Variants in MLLT1 observed in about 807,000 individuals in gnomAD.
MLLT1 encodes the protein MLLT1 super elongation complex subunit.
In MLLT1, 11 loss-of-function variants were observed where a neutral mutation model predicts 55.1. That is an observed-to-expected ratio of 0.20 (90% CI 0.13 to 0.33). The LOEUF (loss-of-function observed/expected upper bound fraction) is 0.33. Among genes scored for constraint, MLLT1 ranks in the 10% least tolerant of loss-of-function variants. The pLI is 1.00. For synonymous variants in MLLT1, 323 were observed against 320.1 expected (o/e 1.01, Z -0.10); for missense variants, 536 against 760.6 (o/e 0.70, Z 3.47).
intron 3 of MLLT1, among the ~76,000 whole-genome samples, chr19:6,245,864 C>T (rs1388323719): frequency 2.0e-5 from 3 of 152,066 alleles, no homozygotes; most frequent in African/African-American, 2.4e-5. Flanking sequence ...ACCACTGCAC[C>T]CCATCCAGCC....
chr19:6,246,033 G>A (rs541848227), intron 3 of MLLT1, among the ~76,000 whole-genome samples: 9 of 151,240 alleles, frequency 6.0e-5, no homozygotes, highest in Admixed American at 2.0e-4. Flanking sequence ...GGCTGATATC[G>A]CACCTTTGCA....
chr19:6,248,639 G>A (rs2091188721), intron 3 of MLLT1, among the ~76,000 whole-genome samples: 1 of 152,188 alleles, frequency 6.6e-6, no homozygotes, highest in Admixed American at 6.5e-5. Flanking sequence ...ACATTTCAAA[G>A]ATATCAAGGT....
chr19:6,247,263 ACTTAGCTCCCAGAT>A (rs1370855964), intron 3 of MLLT1, among the ~76,000 whole-genome samples: 1 of 152,194 alleles, frequency 6.6e-6, no homozygotes, highest in African/African-American at 2.4e-5. Flanking sequence ...CAGTGAGCAC[ACTTAGCTCCCAGAT>A]CTTGGCTTTT....
In MLLT1 at chr19:6,262,349, G is replaced by T; in HGVS notation, c.194-39C>A. 1 of 1,563,254 alleles carries T rather than the reference G, an allele frequency of 6.4e-7. No homozygotes were observed. The highest frequency in any genetic ancestry group is 8.8e-7 in the Non-Finnish European group (1 of 1,136,964). On this transcript the variant is annotated intron_variant, in intron 2 of 11. Coordinates refer to ENST00000252674, the MANE Select transcript of MLLT1 (RefSeq NM_005934.4). This position sits in a 1 kb window ranked among gnomAD's most constrained non-coding sequence, Gnocchi z 4.4. The stretch of plus-strand genomic sequence containing the variant: ...GAAGAAACACACCCATCAGCCTCCT[G>T]CCTGTTTCAGGCCCAGCTGCCAGCG...
At chr19:6,213,241 G>A in intron 11 of MLLT1, 71 bp from the exon 12 acceptor site, 6 of 1,607,514 alleles carry the variant, frequency 3.7e-6, no homozygotes, top group South Asian at 1.1e-5. Context: ...CCTAACAGAG[G>A]TAGGGGCTCC....
At chr19:6,216,565 G>A (rs1301960529) in intron 7 of MLLT1, 52 bp from the exon 8 acceptor site, 8 of 1,340,246 alleles carry the variant, frequency 6.0e-6, no homozygotes, top group Non-Finnish European at 8.3e-6. Flanking sequence ...GCTCCACTGA[G>A]CCTCCAGGGC....
rs747855608 is a variant in MLLT1 at position 6,230,729 on chromosome 19, C to T, written c.277-16G>A. The T allele has an allele frequency of 1.2e-6, 2 of 1,613,660 alleles. No individual in the cohort carries two copies. Among genetic ancestry groups the T allele is most frequent in the South Asian group, 1.1e-5 (1 of 91,074 alleles). ...TCGGCTCCTCCTGAAACAGAGAAAA[C>T]AAGAAAGTCTGCATCAGAGGGTGGC... On this transcript the variant is annotated splice_polypyrimidine_tract_variant and intron_variant, in intron 3 of 11. Transcript: ENST00000252674. This position sits in a 1 kb window ranked among gnomAD's most constrained non-coding sequence, Gnocchi z 9.0.
intron 6 of MLLT1, among the ~76,000 whole-genome samples, chr19:6,221,027 GACCGTC>G (rs1475959368): frequency 1.3e-5 from 2 of 152,196 alleles, no homozygotes; most frequent in Non-Finnish European, 2.9e-5. Flanking sequence ...CCAGAGGCTG[GACCGTC>G]ACCCCCAGCC....
Position 6,272,768 on chromosome 19 carries a change from C to T in MLLT1, c.13-2009G>A, listed in dbSNP as rs147299667. Among the ~76,000 whole-genome samples, 87 of 152,298 alleles carry T rather than the reference C, an allele frequency of 5.7e-4. 1 individual carries two copies. In the Middle Eastern group the frequency reaches 0.017, roughly 30 times the overall value. On this transcript the variant is annotated intron_variant, in intron 1 of 11. Coordinates refer to ENST00000252674, the MANE Select transcript of MLLT1 (RefSeq NM_005934.4). The stretch of plus-strand genomic sequence containing the variant: ...GAGTTCTAAATGCTGCTTTTGGAGA[C>T]GGCAGGGCCATGGTGGCAGATAAGG...
At chr19:6,248,345 C>T (rs1451804385) in intron 3 of MLLT1, among the ~76,000 whole-genome samples, 1 of 152,210 alleles carries the variant, frequency 6.6e-6, no homozygotes, top group East Asian at 1.9e-4. Context: ...CCTACGCCCA[C>T]CAGGATGGAG....
rs187869454 is a variant in MLLT1 at position 6,249,549 on chromosome 19, A to C, written c.276+12679T>G. ...AGCCCACAGTCAAGGCCACTTTCCA[A>C]AAGAACAGTTCAGCCGCAGCATGCA... is the stretch of plus-strand genomic sequence containing the variant. On this transcript the variant is annotated intron_variant, in intron 3 of 11. Coordinates refer to ENST00000252674, the MANE Select transcript of MLLT1 (RefSeq NM_005934.4). Among the ~76,000 whole-genome samples, 17 of 152,280 alleles carry C rather than the reference A, an allele frequency of 1.1e-4. No homozygotes were observed. In the East Asian group the frequency reaches 2.7e-3, roughly 24 times the overall value.
chr19:6,233,263 G>A (rs943554271), intron 3 of MLLT1, among the ~76,000 whole-genome samples: 6 of 152,234 alleles, frequency 3.9e-5, no homozygotes, highest in Non-Finnish European at 8.8e-5. Flanking sequence ...AGTTGGCAGC[G>A]GCAGCTCCTG....
intron 7 of MLLT1, chr19:6,216,766 A>C (rs10417252): frequency 0.99 from 497,068 of 501,312 alleles, 246,438 homozygotes; most frequent in East Asian, 1. Flanking sequence ...GCCTCAGGGG[A>C]CTGGCCGGCA....
chr19:6,216,076 C>T (rs1246405218), intron 8 of MLLT1, among the ~76,000 whole-genome samples: 1 of 152,138 alleles, frequency 6.6e-6, no homozygotes, highest in African/African-American at 2.4e-5. Context: ...TGCTCCCCTC[C>T]CCCCACCTCC....
chr19:6,216,317 C>A (rs747651449), intron 8 of MLLT1, 88 bp downstream of exon 8: 3 of 998,378 alleles, frequency 3.0e-6, no homozygotes, highest in South Asian at 2.8e-5. Flanking sequence ...CAGTCCCAAC[C>A]CCACCTGCAG....
rs1402142624 is a variant in MLLT1, at chr19:6,256,241, AT to A, written c.276+5986del. On this transcript the variant is annotated intron_variant, in intron 3 of 11. Transcript: ENST00000252674. The surrounding 1 kb of genome is among the most constrained non-coding windows in gnomAD (Gnocchi z 4.1). The stretch of plus-strand genomic sequence containing the variant: ...AAAAGATAAATAAATAAATAAATAA[AT>A]AAATAAATAAATAAAAAGACCAGCC... Among the ~76,000 whole-genome samples the A allele has an allele frequency of 1.3e-4, 20 of 149,686 alleles. No homozygotes were observed. Among genetic ancestry groups the A allele is most frequent in the African/African-American group, 4.4e-4 (18 of 40,590 alleles).
intron 1 of MLLT1, among the ~76,000 whole-genome samples, chr19:6,279,176 A>C (rs574476986): frequency 6.6e-6 from 1 of 151,970 alleles, no homozygotes; most frequent in Non-Finnish European, 1.5e-5. Context: ...GGGGCCGGGG[A>C]CGCCTCATAT....
chr19:6,213,861 C>A, intron 9 of MLLT1, 64 bp from the exon 10 acceptor site: 1 of 1,587,574 alleles, frequency 6.3e-7, no homozygotes, highest in Non-Finnish European at 8.6e-7. Flanking sequence ...GAAGGCCCCA[C>A]AAACCCTCCT....
chr19:6,239,595 TCA>T (rs955688039), intron 3 of MLLT1, among the ~76,000 whole-genome samples: 1 of 151,764 alleles, frequency 6.6e-6, no homozygotes, highest in Non-Finnish European at 1.5e-5. Flanking sequence ...ACCTGTGTAC[TCA>T]CACATGCACA....
Sources: allele counts gnomAD v4.1 joint callset (sites outside exome capture counted in the v4.1 genomes callset), GRCh38; gene constraint gnomAD v4.1.1; non-coding constraint Gnocchi (gnomAD v3.1); transcripts MANE v1.5; gene names NCBI Gene and HGNC (gene_info 2026-07-23, HGNC 2026-07-21).